Variants in ADAMTSL3 observed in about 807,000 individuals in gnomAD.
ADAMTSL3 encodes the protein ADAMTS like 3.
ADAMTSL3 carries 128 observed loss-of-function variants against 201.7 expected under a neutral mutation model. The observed-to-expected ratio is 0.63, with a 90% CI of 0.55 to 0.73. ADAMTSL3 has a LOEUF of 0.73. ADAMTSL3 is among the 30% of genes least tolerant of loss of function. The pLI is 0.00. For synonymous variants in ADAMTSL3, 738 were observed against 748.4 expected, an observed-to-expected ratio of 0.99 and a Z score of 0.23; for missense variants, 1,990 against 2,119.6, an observed-to-expected ratio of 0.94 and a Z score of 1.20.
At chr15:83,673,610 T>G (rs1220659144) in intron 2 of ADAMTSL3, among the ~76,000 whole-genome samples, 2 of 152,188 alleles carry the variant, frequency 1.3e-5, no homozygotes, top group Non-Finnish European at 2.9e-5. Context: ...GTTAACAGTT[T>G]TTTTTCCACT....
rs983099663 is a variant in ADAMTSL3 at position 83,975,046 on chromosome 15, G to A, written c.2644+4409G>A. On this transcript the variant is annotated intron_variant, in intron 20 of 29. Coordinates refer to ENST00000286744, the MANE Select transcript of ADAMTSL3 (RefSeq NM_207517.3). ...TGAGACGGAGTCTCGCTCTCGCCTA[G>A]GCTGGAGTGCAGTGGCGCGATCTCA... Among the ~76,000 whole-genome samples, 5 of 138,724 alleles carry A rather than the reference G, an allele frequency of 3.6e-5. No homozygotes were observed. In the South Asian group the frequency reaches 9.2e-4, roughly 25 times the overall value. 91.0% of individuals were successfully genotyped at this position (138,724 alleles called of 152,430 possible). A position where few individuals can be genotyped will look rare whatever the true frequency, so the allele number is the denominator to read the frequency against.
intron 11 of ADAMTSL3, 194 bp from the exon 12 acceptor site, chr15:83,891,135 A>G (rs1030880257): frequency 1.9e-5 from 10 of 526,814 alleles, no homozygotes; most frequent in Admixed American, 3.5e-5. Context: ...GAACTGGGGA[A>G]TTTGTGTCGT....
intron 8 of ADAMTSL3, among the ~76,000 whole-genome samples, chr15:83,867,518 T>C (rs1009651548): frequency 6.6e-6 from 1 of 152,180 alleles, no homozygotes; most frequent in Non-Finnish European, 1.5e-5. Context: ...AAACCTCCAA[T>C]TCAGTTGGAA....
chr15:83,960,562 G>C (rs1339124715), intron 19 of ADAMTSL3, among the ~76,000 whole-genome samples: 39 of 152,140 alleles, frequency 2.6e-4, no homozygotes, highest in Admixed American at 2.6e-3. Flanking sequence ...ACATAGCTGA[G>C]GGAGAAGGCA....
intron 19 of ADAMTSL3, among the ~76,000 whole-genome samples, chr15:83,968,120 TG>T (rs1478143430): frequency 3.3e-5 from 5 of 152,162 alleles, no homozygotes; most frequent in Non-Finnish European, 5.9e-5. Context: ...GACATAGACA[TG>T]GGCAAAGACT....
At chr15:83,926,862 C>T (rs1436255045) in intron 17 of ADAMTSL3, among the ~76,000 whole-genome samples, 3 of 152,200 alleles carry the variant, frequency 2.0e-5, no homozygotes, top group African/African-American at 7.2e-5. Flanking sequence ...GGTGATCCAC[C>T]TGCCTCGGCC....
chr15:83,688,701 T>G (rs1471155790), intron 2 of ADAMTSL3, among the ~76,000 whole-genome samples: 1 of 151,026 alleles, frequency 6.6e-6, no homozygotes, highest in Admixed American at 6.6e-5. Context: ...ATTCACCACT[T>G]TCTCATTGAT....
At chr15:83,991,317 T>A in intron 23 of ADAMTSL3, 103 bp downstream of exon 23, 1 of 1,543,596 alleles carries the variant, frequency 6.5e-7, no homozygotes, top group Non-Finnish European at 8.8e-7. Flanking sequence ...ATTCGAGACC[T>A]CAGCCTGATA....
At chr15:83,900,543 G>A (rs2065703788) in intron 15 of ADAMTSL3, among the ~76,000 whole-genome samples, 2 of 152,234 alleles carry the variant, frequency 1.3e-5, no homozygotes, top group Admixed American at 6.5e-5. Context: ...AACATGTTAA[G>A]TGTTTGGTGC....
intron 2 of ADAMTSL3, among the ~76,000 whole-genome samples, chr15:83,697,743 C>A (rs2061705040): frequency 6.6e-6 from 1 of 152,130 alleles, no homozygotes; most frequent in African/African-American, 2.4e-5. Context: ...GAACCCAATC[C>A]TTCTGAGTTT....
intron 2 of ADAMTSL3, among the ~76,000 whole-genome samples, chr15:83,684,512 T>G (rs1051929778): frequency 1.3e-5 from 2 of 152,038 alleles, no homozygotes; most frequent in Non-Finnish European, 2.9e-5. Flanking sequence ...TGTAGTGTGC[T>G]ATAGTTGTGC....
In ADAMTSL3 at chr15:84,031,387, C is replaced by CTT; in HGVS notation, c.4710_4711dup (p.Cys1571PhefsTer19). 1.2e-6 allele frequency: 2 copies of CTT among 1,614,118 alleles called. No individual in the cohort carries two copies. Among genetic ancestry groups the CTT allele is most frequent in the Non-Finnish European group, 1.7e-6 (2 of 1,180,022 alleles). On this transcript the variant is annotated frameshift_variant, in exon 28 of 30. Coordinates refer to ENST00000286744, the MANE Select transcript of ADAMTSL3 (RefSeq NM_207517.3). LOFTEE classifies it high-confidence loss of function. Reference sequence around the variant, plus strand: ...GTGAGGATGCAGCAGCGTCACACAGCTTGTCAACACAACAGCTCTGACTCC... The same window carrying CTT: ...GTGAGGATGCAGCAGCGTCACACAGCTTTTGTCAACACAACAGCTCTGACTCC...
chr15:83,680,646 T>C (rs79996854), intron 2 of ADAMTSL3, among the ~76,000 whole-genome samples: 2,964 of 152,004 alleles, frequency 0.019, 96 homozygotes, highest in African/African-American at 0.067. Flanking sequence ...TGTTTAATCA[T>C]CTTTTATAAT....
chr15:83,734,619 A>G (rs1435201764), intron 3 of ADAMTSL3, among the ~76,000 whole-genome samples: 2 of 151,972 alleles, frequency 1.3e-5, no homozygotes, highest in Admixed American at 6.5e-5. Context: ...CGGTTCAGGT[A>G]TGGGTGTAGC....
intron 9 of ADAMTSL3, among the ~76,000 whole-genome samples, chr15:83,874,260 T>A (rs79692938): frequency 6.9e-6 from 1 of 144,866 alleles, no homozygotes; most frequent in Non-Finnish European, 1.5e-5. Flanking sequence ...GAAAAGGAGC[T>A]TTTGCTCCCA....
At chr15:83,832,978 A>T (rs905836934) in intron 6 of ADAMTSL3, among the ~76,000 whole-genome samples, 10 of 152,194 alleles carry the variant, frequency 6.6e-5, no homozygotes, top group Non-Finnish European at 1.3e-4. Flanking sequence ...AGCTGTGCAG[A>T]TGAAGAAACC....
intron 17 of ADAMTSL3, among the ~76,000 whole-genome samples, chr15:83,927,121 CT>C (rs879610724): frequency 1.8e-3 from 253 of 141,396 alleles, no homozygotes; most frequent in Admixed American, 2.0e-3. Context: ...TTCTTTCTTT[CT>C]TTTTTTTTTT....
At chr15:83,728,113 A>G (rs914550891) in intron 3 of ADAMTSL3, among the ~76,000 whole-genome samples, 3 of 152,008 alleles carry the variant, frequency 2.0e-5, no homozygotes, top group Non-Finnish European at 2.9e-5. Context: ...TTATCATTAT[A>G]TAATGACTTT....
chr15:83,840,278 T>A (rs1250741290), intron 7 of ADAMTSL3, among the ~76,000 whole-genome samples: 2 of 152,210 alleles, frequency 1.3e-5, no homozygotes, highest in Non-Finnish European at 2.9e-5. Context: ...CCAGCAATGT[T>A]AAATGCTTTT....
Sources: allele counts gnomAD v4.1 joint callset (sites outside exome capture counted in the v4.1 genomes callset), GRCh38; gene constraint gnomAD v4.1.1; transcripts MANE v1.5; gene names NCBI Gene and HGNC (gene_info 2026-07-23, HGNC 2026-07-21).